TENM2: variants seen among roughly 807,000 people sequenced by gnomAD.
TENM2 encodes teneurin-2.
In TENM2, 52 loss-of-function variants were observed where a neutral mutation model predicts 245.2. The ratio of observed to expected loss-of-function variants is 0.21; its 90% CI spans 0.17 to 0.27. The LOEUF is 0.27. Ranked by LOEUF, TENM2 falls within the 10% of genes least tolerant of loss-of-function variation. The probability of loss-of-function intolerance (pLI) is 1.00; values close to 1 mark genes in which losing one functional copy is unlikely to be tolerated. For missense variants in TENM2, 3,046 were observed against 3,666.8 expected, an observed-to-expected ratio of 0.83 and a Z score of 4.37; for synonymous variants, 1,363 against 1,438.9, an observed-to-expected ratio of 0.95 and a Z score of 1.19.
intron 4 of TENM2, among the ~76,000 whole-genome samples, chr5:167,991,322 C>A (rs1321840042): frequency 2.0e-5 from 3 of 152,162 alleles, no homozygotes; most frequent in Admixed American, 2.0e-4. Flanking sequence ...CTAAAATCCC[C>A]CTCTGCATGT....
chr5:167,779,737 CT>C, intron 2 of TENM2, among the ~76,000 whole-genome samples: 1 of 152,192 alleles, frequency 6.6e-6, no homozygotes, highest in Non-Finnish European at 1.5e-5. Context: ...ACAAACAAGT[CT>C]CAGAGAGAAA....
chr5:167,727,524 G>A (rs953685495), intron 2 of TENM2, among the ~76,000 whole-genome samples: 3 of 152,204 alleles, frequency 2.0e-5, no homozygotes, highest in Admixed American at 2.0e-4. Context: ...TTTTTCAGCT[G>A]AGGTAGAGAA....
the TENM2 span, among the ~76,000 whole-genome samples, chr5:167,058,692 G>A: frequency 5.7e-4 from 87 of 152,158 alleles, 1 homozygote; most frequent in African/African-American, 1.9e-3. Flanking sequence ...TCAAGGCTTC[G>A]GTCAGCCATG....
At chr5:167,739,008 A>C (rs1193907987) in intron 2 of TENM2, among the ~76,000 whole-genome samples, 2 of 152,248 alleles carry the variant, frequency 1.3e-5, no homozygotes, top group Non-Finnish European at 2.9e-5. Flanking sequence ...AACAGAATGA[A>C]GTATATTGCA....
At chr5:167,725,777 C>T (rs1380047474) in intron 2 of TENM2, among the ~76,000 whole-genome samples, 1 of 152,156 alleles carries the variant, frequency 6.6e-6, no homozygotes, top group Non-Finnish European at 1.5e-5. Flanking sequence ...GTCAGGGTCA[C>T]GCTTAAGCTC....
intron 2 of TENM2, among the ~76,000 whole-genome samples, chr5:167,863,103 G>A (rs888588741): frequency 2.0e-5 from 3 of 152,162 alleles, no homozygotes; most frequent in Non-Finnish European, 4.4e-5. Flanking sequence ...CAAGTCCCGT[G>A]ATCTCTTCAA....
At chr5:167,058,338 A>G in the TENM2 span, among the ~76,000 whole-genome samples, 1 of 152,206 alleles carries the variant, frequency 6.6e-6, no homozygotes, top group Non-Finnish European at 1.5e-5. Flanking sequence ...CTAAATATCA[A>G]TCTAGAGATA....
the TENM2 span, among the ~76,000 whole-genome samples, chr5:167,030,833 C>A: frequency 6.6e-6 from 1 of 152,152 alleles, no homozygotes; most frequent in Admixed American, 6.5e-5. Context: ...CTGCCAGACA[C>A]CCCTGTTATT....
At chr5:168,165,764 A>C (rs1758230112) in intron 13 of TENM2, 1 of 143,390 alleles carries the variant, frequency 7.0e-6, no homozygotes, top group Non-Finnish European at 1.5e-5. Flanking sequence ...GGGAACTGTT[A>C]AAGCAAACCT....
intron 2 of TENM2, among the ~76,000 whole-genome samples, chr5:167,849,339 A>T (rs1770354074): frequency 1.3e-5 from 2 of 152,116 alleles, no homozygotes; most frequent in Non-Finnish European, 2.9e-5. Context: ...AGGAAAAAAA[A>T]TTGTTTTTCC....
chr5:167,209,183 G>A, the TENM2 span, among the ~76,000 whole-genome samples: 2 of 152,146 alleles, frequency 1.3e-5, no homozygotes, highest in Non-Finnish European at 2.9e-5. Context: ...TCGCTACTGT[G>A]AGGAATAAAT....
At chr5:167,829,424 T>C (rs992149706) in intron 2 of TENM2, among the ~76,000 whole-genome samples, 4 of 152,208 alleles carry the variant, frequency 2.6e-5, no homozygotes, top group Non-Finnish European at 2.9e-5. Flanking sequence ...GGGGGTTCTA[T>C]GCCCAGAGAA....
the TENM2 span, among the ~76,000 whole-genome samples, chr5:167,235,900 A>T: frequency 6.6e-6 from 1 of 152,228 alleles, no homozygotes; most frequent in Non-Finnish European, 1.5e-5. Context: ...TCTCATGGAT[A>T]AAGAGCTCGG....
the TENM2 span, among the ~76,000 whole-genome samples, chr5:167,240,308 T>C: frequency 6.6e-6 from 1 of 152,052 alleles, no homozygotes; most frequent in Non-Finnish European, 1.5e-5. Flanking sequence ...TCTTTCTAAT[T>C]ATTAACCATT....
At chr5:168,165,879 G>A (rs1457866137) in intron 13 of TENM2, 1 of 151,708 alleles carries the variant, frequency 6.6e-6, no homozygotes, top group Non-Finnish European at 1.5e-5. Flanking sequence ...CAGGTGAGAG[G>A]GGTAGACACC....
chr5:167,931,053 A>G (rs2194157), intron 3 of TENM2, among the ~76,000 whole-genome samples: 15,689 of 152,232 alleles, frequency 0.1, 821 homozygotes, highest in Middle Eastern at 0.15. Flanking sequence ...GCCTTATGCT[A>G]TAAGCTCTGG....
At chr5:167,662,854 G>A (rs1582685337) in intron 2 of TENM2, among the ~76,000 whole-genome samples, 1 of 152,082 alleles carries the variant, frequency 6.6e-6, no homozygotes, top group African/African-American at 2.4e-5. Flanking sequence ...GGCTCACTAA[G>A]TCAGAGCCCA....
At chr5:168,034,957 C>A (rs1787531690) in intron 5 of TENM2, among the ~76,000 whole-genome samples, 1 of 152,134 alleles carries the variant, frequency 6.6e-6, no homozygotes. Flanking sequence ...AAAATACTTT[C>A]ATTCAGCACA....
chr5:167,339,616 TTTTTTGC>T (rs1319204522), intron 1 of TENM2, among the ~76,000 whole-genome samples: 1 of 151,602 alleles, frequency 6.6e-6, no homozygotes, highest in East Asian at 1.9e-4. Context: ...TTTTTTTTTA[TTTTTTGC>T]ATTTTACTAT....
Sources: gnomAD v4.1 joint callset for allele counts (sites outside exome capture counted in the v4.1 genomes callset) on GRCh38, gnomAD v4.1.1 for gene constraint, MANE v1.5 for transcripts, NCBI Gene and HGNC (gene_info 2026-07-23, HGNC 2026-07-21) for gene names.